Variants in ITGA11 observed in about 807,000 individuals in gnomAD.
ITGA11 encodes integrin alpha-11.
ITGA11 carries 97 observed loss-of-function variants against 141.9 expected under a neutral mutation model. That is an observed-to-expected ratio of 0.68 (90% confidence interval 0.58 to 0.81). ITGA11 has a LOEUF of 0.81. Among genes scored for constraint, ITGA11 ranks in the 30% least tolerant of loss-of-function variants. The pLI is 0.00. For synonymous variants in ITGA11, 658 were observed against 624.6 expected, an observed-to-expected ratio of 1.05 and a Z score of -0.80; for missense variants, 1,387 against 1,559.2, an observed-to-expected ratio of 0.89 and a Z score of 1.86.
At position 68,357,206 on chromosome 15, in the gene ITGA11, T is replaced by C. The variant is rs763841824; in HGVS notation, c.694A>G (p.Ile232Val). ...VKDVVEAASH[I>V]EQRGGTETRT... ...GTCTCTGTTCCTCCTCTCTGCTCAA[T>C]GTGGCTGGCAGCTTCCACCACATCT... Residue 232 changes from isoleucine (I) to valine (V), a missense_variant, in exon 7 of 30, where the codon ATT (isoleucine) becomes GTT (valine). By Grantham distance (29) the Ile-to-Val change is conservative (BLOSUM62 3). Transcript: ENST00000315757. The C allele has an allele frequency of 5.0e-6, 8 of 1,613,886 alleles. No homozygotes were observed. The highest frequency in any genetic ancestry group is 1.7e-5 in the Admixed American group (1 of 60,008).
chr15:68,334,560 G>C (rs547830548), intron 12 of ITGA11, among the ~76,000 whole-genome samples: 11 of 151,852 alleles, frequency 7.2e-5, no homozygotes, highest in African/African-American at 2.7e-4. Context: ...ATTTAGAAGA[G>C]AGGAAAGGGA....
rs537871965 is a variant in ITGA11 at position 68,395,363 on chromosome 15, G to A, written c.164+7555C>T. On this transcript the variant is annotated intron_variant, in intron 2 of 29. Coordinates refer to ENST00000315757, the MANE Select transcript of ITGA11 (RefSeq NM_001004439.2). The stretch of plus-strand genomic sequence containing the variant: ...GACAGAAGTAGGCTTCAGAAGGTTG[G>A]CAATAACAAACTTCTCCGAGCTAAA... 4.0e-4 allele frequency among the ~76,000 whole-genome samples: 61 copies of A among 152,082 alleles called. No individual in the cohort carries two copies. The South Asian group carries it at 9.1e-3, about 23-fold the overall frequency.
chr15:68,401,566 C>T (rs1896511605), intron 2 of ITGA11, among the ~76,000 whole-genome samples: 1 of 152,180 alleles, frequency 6.6e-6, no homozygotes, highest in Non-Finnish European at 1.5e-5. Context: ...ACAGGTTAAA[C>T]CTCACAGGCG....
rs35780086 is a variant in ITGA11 at position 68,297,432 on chromosome 15, CTTTTTTTTTT to C, written c.*5617_*5626del. 1.3e-4 allele frequency: 12 copies of C among 95,830 alleles called. No homozygotes were observed. The Admixed American group carries it at 1.4e-3, about 11-fold the overall frequency. 5.9% of individuals were successfully genotyped at this position (95,830 alleles called of 1,614,324 possible). A position where few individuals can be genotyped will look rare whatever the true frequency, so the allele number is the denominator to read the frequency against. ...ATCTGTACAGTTCTGCACTTCTGAG[CTTTTTTTTTT>C]TTTTTTTTTTTATCCAAAAGAAAGC... is the stretch of plus-strand genomic sequence containing the variant. On this transcript the variant is annotated 3_prime_UTR_variant, in exon 30 of 30. Coordinates refer to ENST00000315757, the MANE Select transcript of ITGA11 (RefSeq NM_001004439.2).
chr15:68,334,768 G>A (rs909733950), intron 12 of ITGA11, among the ~76,000 whole-genome samples: 1 of 152,166 alleles, frequency 6.6e-6, no homozygotes, highest in Non-Finnish European at 1.5e-5. Context: ...GTTGGAGGCG[G>A]AACTGGGCAG....
intron 4 of ITGA11, chr15:68,361,929 T>A (rs1476977503): frequency 8.3e-6 from 4 of 479,266 alleles, no homozygotes; most frequent in Non-Finnish European, 1.5e-5. Flanking sequence ...TCTTGGAGTC[T>A]CTTTCATTGT....
At chr15:68,336,440 C>G (rs1894361167) in intron 11 of ITGA11, among the ~76,000 whole-genome samples, 1 of 152,176 alleles carries the variant, frequency 6.6e-6, no homozygotes, top group Admixed American at 6.5e-5. Flanking sequence ...CTCCTAGGCT[C>G]TTGTCAGCCC....
intron 21 of ITGA11, 127 bp from the exon 22 acceptor site, chr15:68,315,854 G>C (rs2140279379): frequency 1.4e-6 from 1 of 701,122 alleles, no homozygotes; most frequent in East Asian, 2.8e-5. Flanking sequence ...GGAGCTGCTG[G>C]CTGGGAACAG....
At position 68,333,073 on chromosome 15, in the gene ITGA11, A is replaced by C. The variant is rs910804554; in HGVS notation, c.1426-595T>G. Reference sequence around the variant, plus strand: ...GTGCTCCAAATTATGCATGTATCATAATGTGTTTAATCAGTTATTGCTGGA... The same window carrying C: ...GTGCTCCAAATTATGCATGTATCATCATGTGTTTAATCAGTTATTGCTGGA... On this transcript the variant is annotated intron_variant, in intron 12 of 29. Transcript: ENST00000315757. This position sits in a 1 kb window ranked among gnomAD's most constrained non-coding sequence, Gnocchi z 4.2. 5.3e-5 allele frequency among the ~76,000 whole-genome samples: 8 copies of C among 151,654 alleles called. No homozygotes were observed. Among genetic ancestry groups the C allele is most frequent in the Non-Finnish European group, 8.8e-5 (6 of 67,982 alleles).
chr15:68,350,624 G>C lies in ITGA11; in HGVS notation c.1053C>G (p.Ser351Arg), dbSNP rs1894876486. 5 of 1,613,132 alleles carry C rather than the reference G, an allele frequency of 3.1e-6. No homozygotes were observed. Among genetic ancestry groups the C allele is most frequent in the Middle Eastern group, 1.7e-4 (1 of 6,020 alleles). ...IVDALGDRIF[S>R]LEGTNKNETS... ...TTAGCATGCATTGCTTACCTTCCAGGCTGAAGATTCTGTCCCCCAGGGCAT... is the reference window on the plus strand; with the variant it reads ...TTAGCATGCATTGCTTACCTTCCAGCCTGAAGATTCTGTCCCCCAGGGCAT... Residue 351 changes from serine (S) to arginine (R), a missense_variant, in exon 9 of 30, where the codon AGC (serine) becomes AGG (arginine). Coordinates refer to ENST00000315757, the MANE Select transcript of ITGA11 (RefSeq NM_001004439.2).
intron 2 of ITGA11, among the ~76,000 whole-genome samples, chr15:68,391,562 G>A (rs1404297672): frequency 1.3e-5 from 2 of 152,208 alleles, no homozygotes; most frequent in African/African-American, 4.8e-5. Context: ...TGTCCAACAG[G>A]GGAGATGGGC....
intron 1 of ITGA11, among the ~76,000 whole-genome samples, chr15:68,404,848 T>C (rs1027654193): frequency 6.6e-6 from 1 of 152,198 alleles, no homozygotes; most frequent in South Asian, 2.1e-4. Flanking sequence ...ATAGACCTTT[T>C]ATCATTGTTG....
chr15:68,413,812 C>T (rs1331688214), intron 1 of ITGA11, among the ~76,000 whole-genome samples: 1 of 152,202 alleles, frequency 6.6e-6, no homozygotes, highest in African/African-American at 2.4e-5. Flanking sequence ...TGGAGGAATG[C>T]AAACTCATCT....
intron 1 of ITGA11, among the ~76,000 whole-genome samples, chr15:68,430,401 G>C (rs1359879290): frequency 6.6e-6 from 1 of 152,204 alleles, no homozygotes; most frequent in Non-Finnish European, 1.5e-5. Flanking sequence ...TGTTGGAAAG[G>C]TCGCATAACC....
intron 1 of ITGA11, among the ~76,000 whole-genome samples, chr15:68,425,560 G>A (rs1897122541): frequency 6.6e-6 from 1 of 152,218 alleles, no homozygotes; most frequent in Non-Finnish European, 1.5e-5. Flanking sequence ...CTGCCTGGAG[G>A]AGGTGGGGCA....
At chr15:68,350,514 C>G in intron 9 of ITGA11, 103 bp downstream of exon 9, 1 of 1,149,640 alleles carries the variant, frequency 8.7e-7, no homozygotes, top group Non-Finnish European at 1.2e-6. Context: ...ACGGAAGACT[C>G]TTGTTAAGCC....
chr15:68,327,737 C>CT (rs1388694376), intron 16 of ITGA11, among the ~76,000 whole-genome samples: 1 of 152,218 alleles, frequency 6.6e-6, no homozygotes, highest in Non-Finnish European at 1.5e-5. Flanking sequence ...TTCCAGCACC[C>CT]CCCCTGTAGG....
At chr15:68,346,432 G>A (rs1894746381) in intron 10 of ITGA11, among the ~76,000 whole-genome samples, 1 of 152,196 alleles carries the variant, frequency 6.6e-6, no homozygotes, top group Admixed American at 6.5e-5. Context: ...GGCAGACACA[G>A]ATCATGATTT....
At position 68,302,807 on chromosome 15, in the gene ITGA11, T is replaced by G; in HGVS notation, c.*252A>C. 2 of 487,950 alleles carry G rather than the reference T, an allele frequency of 4.1e-6. No individual in the cohort carries two copies. Among genetic ancestry groups the G allele is most frequent in the Non-Finnish European group, 3.6e-6 (1 of 276,120 alleles). 30.2% of individuals were successfully genotyped at this position (487,950 alleles called of 1,614,324 possible). A position where few individuals can be genotyped will look rare whatever the true frequency, so the allele number is the denominator to read the frequency against. On this transcript the variant is annotated 3_prime_UTR_variant, in exon 30 of 30. Transcript: ENST00000315757. ...AGGCCTTGGCATGGGCCTGGGTGTG[T>G]GTAGGGGTGTCCCTTTAAATCCCTA...
Sources: allele counts gnomAD v4.1 joint callset (sites outside exome capture counted in the v4.1 genomes callset), GRCh38; gene constraint gnomAD v4.1.1; non-coding constraint Gnocchi (gnomAD v3.1); transcripts MANE v1.5; gene names NCBI Gene and HGNC (gene_info 2026-07-23, HGNC 2026-07-21).